SLC24A2: variants seen among roughly 807,000 people sequenced by gnomAD.
The protein encoded by SLC24A2 is sodium/potassium/calcium exchanger 2.
A neutral mutation model predicts 62.0 loss-of-function variants in SLC24A2; 36 were observed. The observed-to-expected ratio is 0.58, with a 90% CI of 0.44 to 0.77. The LOEUF (loss-of-function observed/expected upper bound fraction) is 0.77. Among genes scored for constraint, SLC24A2 ranks in the 30% least tolerant of loss-of-function variants. The pLI, the probability that SLC24A2 is intolerant of heterozygous loss-of-function variation, is 0.00. For synonymous variants in SLC24A2, 358 were observed against 294.0 expected (o/e 1.22, Z -2.23); for missense variants, 846 against 817.9 (o/e 1.03, Z -0.42).
At chr9:20,147,648 T>C in the SLC24A2 span, among the ~76,000 whole-genome samples, 3 of 152,120 alleles carry the variant, frequency 2.0e-5, no homozygotes, top group Admixed American at 2.0e-4. Flanking sequence ...TTTCAGAAGA[T>C]ATGTTTATTA....
At chr9:20,080,980 A>T in the SLC24A2 span, among the ~76,000 whole-genome samples, 385 of 152,278 alleles carry the variant, frequency 2.5e-3, 14 homozygotes, top group East Asian at 0.068. Context: ...AGGAAACAAC[A>T]GCTGCTGGAG....
chr9:19,833,946 G>A, the SLC24A2 span, among the ~76,000 whole-genome samples: 21 of 152,304 alleles, frequency 1.4e-4, no homozygotes, highest in African/African-American at 4.8e-4. Context: ...AGCCACCACT[G>A]CTGATACCCA....
At chr9:19,760,945 G>A (rs1822304525) in intron 2 of SLC24A2, among the ~76,000 whole-genome samples, 1 of 151,920 alleles carries the variant, frequency 6.6e-6, no homozygotes, top group East Asian at 2.0e-4. Context: ...GTTAGCATTA[G>A]GAGATACACC....
At chr9:20,240,939 G>A in the SLC24A2 span, among the ~76,000 whole-genome samples, 1 of 152,156 alleles carries the variant, frequency 6.6e-6, no homozygotes, top group African/African-American at 2.4e-5. Flanking sequence ...TCTACCACAC[G>A]CAGATGAATT....
intron 2 of SLC24A2, among the ~76,000 whole-genome samples, chr9:19,748,258 G>C (rs1015327974): frequency 6.6e-6 from 1 of 152,162 alleles, no homozygotes. Flanking sequence ...GATTTCAGTT[G>C]CCTGAGTACT....
chr9:20,030,734 A>C, the SLC24A2 span, among the ~76,000 whole-genome samples: 2,258 of 152,326 alleles, frequency 0.015, 58 homozygotes, highest in African/African-American at 0.052. Flanking sequence ...GCAGTTATGA[A>C]GTGGGTATAA....
intron 2 of SLC24A2, among the ~76,000 whole-genome samples, chr9:19,642,277 A>C (rs1760991986): frequency 6.6e-6 from 1 of 152,122 alleles, no homozygotes; most frequent in Non-Finnish European, 1.5e-5. Flanking sequence ...GGACCAGAGG[A>C]GGAAATACGC....
chr9:19,556,721 G>T (rs1289590480), intron 7 of SLC24A2, among the ~76,000 whole-genome samples: 4 of 152,108 alleles, frequency 2.6e-5, no homozygotes. Flanking sequence ...GGTCAAAATA[G>T]AATGTCAGCA....
the SLC24A2 span, among the ~76,000 whole-genome samples, chr9:20,127,491 A>C: frequency 6.6e-6 from 1 of 152,172 alleles, no homozygotes; most frequent in Non-Finnish European, 1.5e-5. Flanking sequence ...AATGGAAAAA[A>C]TAAAGGATAC....
chr9:20,051,304 T>C, the SLC24A2 span, among the ~76,000 whole-genome samples: 1 of 152,194 alleles, frequency 6.6e-6, no homozygotes, highest in Non-Finnish European at 1.5e-5. Context: ...AAATATTTAT[T>C]CAGACTAACT....
At chr9:19,982,325 G>T in the SLC24A2 span, among the ~76,000 whole-genome samples, 1 of 152,136 alleles carries the variant, frequency 6.6e-6, no homozygotes, top group Non-Finnish European at 1.5e-5. Context: ...AAATGAGGAG[G>T]TTGGTGGGTT....
At chr9:20,014,495 G>GATATATATAT in the SLC24A2 span, among the ~76,000 whole-genome samples, 211 of 140,720 alleles carry the variant, frequency 1.5e-3, no homozygotes, top group South Asian at 7.1e-3. Flanking sequence ...AGAAAAATGT[G>GATATATATAT]ATATATATAT....
At chr9:19,774,166 G>T (rs532716993) in intron 2 of SLC24A2, among the ~76,000 whole-genome samples, 1 of 152,296 alleles carries the variant, frequency 6.6e-6, no homozygotes, top group East Asian at 1.9e-4. Flanking sequence ...CAGAGCAAAA[G>T]AGACCAGGAG....
chr9:19,677,843 T>C (rs1354543534), intron 2 of SLC24A2, among the ~76,000 whole-genome samples: 1 of 150,020 alleles, frequency 6.7e-6, no homozygotes, highest in Non-Finnish European at 1.5e-5. Flanking sequence ...ATACATTTAT[T>C]ATATACTATA....
At chr9:20,028,773 G>T in the SLC24A2 span, among the ~76,000 whole-genome samples, 2 of 152,116 alleles carry the variant, frequency 1.3e-5, no homozygotes, top group South Asian at 4.1e-4. Flanking sequence ...CTTTGATTCC[G>T]GGCTTTGTAA....
At chr9:20,212,639 G>A in the SLC24A2 span, among the ~76,000 whole-genome samples, 50 of 151,358 alleles carry the variant, frequency 3.3e-4, no homozygotes, top group Non-Finnish European at 4.9e-4. Flanking sequence ...TAACGCCAGG[G>A]ATAAATAAGG....
chr9:19,953,785 C>T, the SLC24A2 span, among the ~76,000 whole-genome samples: 1 of 151,966 alleles, frequency 6.6e-6, no homozygotes, highest in Admixed American at 6.6e-5. Context: ...TCACATACTG[C>T]CTATTTGTTT....
intron 2 of SLC24A2, among the ~76,000 whole-genome samples, chr9:19,674,809 G>A (rs1009123881): frequency 6.6e-6 from 1 of 152,016 alleles, no homozygotes; most frequent in African/African-American, 2.4e-5. Flanking sequence ...TTTCTCTGCT[G>A]CCTCTTTGAT....
chr9:19,525,349 A>G (rs1833383423), intron 9 of SLC24A2, among the ~76,000 whole-genome samples: 1 of 151,234 alleles, frequency 6.6e-6, no homozygotes, highest in African/African-American at 2.4e-5. Context: ...ACCTTTTTAA[A>G]AAGTGTACAG....
Sources: gnomAD v4.1 joint callset for allele counts (sites outside exome capture counted in the v4.1 genomes callset) on GRCh38, gnomAD v4.1.1 for gene constraint, MANE v1.5 for transcripts, NCBI Gene and HGNC (gene_info 2026-07-23, HGNC 2026-07-21) for gene names.